EMCN: variants seen among roughly 807,000 people sequenced by gnomAD.
The protein encoded by EMCN is endomucin.
EMCN carries 37 observed loss-of-function variants against 38.4 expected under a neutral mutation model. The ratio of observed to expected loss-of-function variants is 0.96; its 90% confidence interval spans 0.74 to 1.27. EMCN has a LOEUF of 1.27. Ranked by LOEUF, EMCN falls within the 50% of genes most tolerant of loss-of-function variation. The pLI, the probability that EMCN is intolerant of heterozygous loss-of-function variation, is 0.00. For synonymous variants in EMCN, 95 were observed against 100.8 expected, an observed-to-expected ratio of 0.94 and a Z score of 0.35; for missense variants, 318 against 302.8, an observed-to-expected ratio of 1.05 and a Z score of -0.37.
intron 10 of EMCN, among the ~76,000 whole-genome samples, chr4:100,412,126 A>T (rs188852210): frequency 6.6e-6 from 1 of 152,124 alleles, no homozygotes; most frequent in Non-Finnish European, 1.5e-5. Context: ...AGAGCAAGAG[A>T]CTCTCTCTTC....
intron 1 of EMCN, among the ~76,000 whole-genome samples, chr4:100,483,794 A>G (rs1728874607): frequency 6.6e-6 from 1 of 152,178 alleles, no homozygotes; most frequent in African/African-American, 2.4e-5. Context: ...TTATCTGTAA[A>G]TTCCTTCTAG....
intron 11 of EMCN, among the ~76,000 whole-genome samples, chr4:100,403,171 A>G (rs939028170): frequency 2.6e-5 from 4 of 152,070 alleles, no homozygotes; most frequent in African/African-American, 4.8e-5. Flanking sequence ...AGACCATTTT[A>G]TCATCCATGT....
At chr4:100,459,168 G>GCTCT (rs70958363) in intron 4 of EMCN, among the ~76,000 whole-genome samples, 10 of 132,944 alleles carry the variant, frequency 7.5e-5, no homozygotes, top group East Asian at 2.2e-4. Context: ...GCCCTCAGAT[G>GCTCT]CTCTCTCTCT....
intron 9 of EMCN, 132 bp from the exon 10 acceptor site, chr4:100,416,091 C>A: frequency 4.2e-6 from 2 of 472,708 alleles, no homozygotes; most frequent in South Asian, 3.7e-5. Context: ...TATATATATA[C>A]GTGTGTGTGT....
At chr4:100,413,939 C>T (rs1578395551) in intron 10 of EMCN, among the ~76,000 whole-genome samples, 2 of 152,124 alleles carry the variant, frequency 1.3e-5, no homozygotes, top group Non-Finnish European at 2.9e-5. Flanking sequence ...CTATGGTCAC[C>T]ACTAGAGTGG....
chr4:100,505,611 T>C (rs1729461615), intron 1 of EMCN, among the ~76,000 whole-genome samples: 1 of 152,092 alleles, frequency 6.6e-6, no homozygotes, highest in Non-Finnish European at 1.5e-5. Context: ...GGCTGAAAAG[T>C]GCACTTTTGA....
In EMCN at chr4:100,395,492, G is replaced by A. The variant is rs1297998070; in HGVS notation, c.*2921C>T. 1 of 152,118 alleles carries A rather than the reference G, an allele frequency of 6.6e-6. No individual in the cohort carries two copies. The highest frequency in any genetic ancestry group is 1.5e-5 in the Non-Finnish European group (1 of 68,018). The allele number at this position is 152,118 out of a possible 1,614,324, so 9.4% of individuals were successfully genotyped here. Reference sequence around the variant, plus strand: ...CATTATAGGTTTAATTAATCACAATGATGGATATCTTTAACATTAGGCAAT... The same window carrying A: ...CATTATAGGTTTAATTAATCACAATAATGGATATCTTTAACATTAGGCAAT... On this transcript the variant is annotated 3_prime_UTR_variant, in exon 12 of 12. Transcript: ENST00000296420.
At chr4:100,421,455 A>G (rs1291794602) in intron 7 of EMCN, 78 bp from the exon 8 acceptor site, 1 of 1,028,860 alleles carries the variant, frequency 9.7e-7, no homozygotes, top group African/African-American at 1.6e-5. Flanking sequence ...GAGCCAAAGC[A>G]TGAGTACTTC....
At chr4:100,476,640 C>A (rs949238587) in intron 2 of EMCN, among the ~76,000 whole-genome samples, 2 of 152,104 alleles carry the variant, frequency 1.3e-5, no homozygotes, top group East Asian at 3.9e-4. Context: ...CTTAAACTAG[C>A]ATTCATTCAT....
chr4:100,501,270 C>T (rs1164901590), intron 1 of EMCN, among the ~76,000 whole-genome samples: 1 of 152,090 alleles, frequency 6.6e-6, no homozygotes, highest in Non-Finnish European at 1.5e-5. Context: ...CCACTGGCTA[C>T]CCAATGGTAC....
chr4:100,410,392 G>A (rs1726519932), intron 10 of EMCN, 37 bp from the exon 11 acceptor site: 2 of 1,594,434 alleles, frequency 1.3e-6, no homozygotes. Context: ...TGTAAGCTCA[G>A]AGACTGAGTA....
At chr4:100,433,617 C>A (rs983663174) in intron 5 of EMCN, among the ~76,000 whole-genome samples, 1 of 151,896 alleles carries the variant, frequency 6.6e-6, no homozygotes, top group Non-Finnish European at 1.5e-5. Context: ...CCCACTGCAA[C>A]CTCTACCTTC....
At chr4:100,449,942 A>C (rs1196919256) in intron 4 of EMCN, among the ~76,000 whole-genome samples, 1 of 152,018 alleles carries the variant, frequency 6.6e-6, no homozygotes, top group Non-Finnish European at 1.5e-5. Flanking sequence ...ATATTTTAAA[A>C]ATGATAAAGT....
intron 5 of EMCN, among the ~76,000 whole-genome samples, chr4:100,435,540 A>G (rs1426593373): frequency 6.6e-6 from 1 of 152,216 alleles, no homozygotes; most frequent in Non-Finnish European, 1.5e-5. Flanking sequence ...TAAAATTCAT[A>G]TGGAACCAAA....
At chr4:100,427,246 T>C (rs547754711) in intron 5 of EMCN, among the ~76,000 whole-genome samples, 2 of 152,178 alleles carry the variant, frequency 1.3e-5, no homozygotes, top group African/African-American at 4.8e-5. Flanking sequence ...GTTCCTCCTC[T>C]TATTTCTTTT....
At chr4:100,448,314 G>T (rs1458516617) in intron 4 of EMCN, among the ~76,000 whole-genome samples, 2 of 152,014 alleles carry the variant, frequency 1.3e-5, no homozygotes, top group Non-Finnish European at 2.9e-5. Flanking sequence ...GCCCAATAAT[G>T]ACATTTTTAA....
chr4:100,416,860 A>AT (rs1214928760), intron 9 of EMCN, among the ~76,000 whole-genome samples: 13 of 152,002 alleles, frequency 8.6e-5, no homozygotes, highest in Admixed American at 5.2e-4. Flanking sequence ...TTTCTATGAT[A>AT]TTTTCCCTCA....
intron 4 of EMCN, among the ~76,000 whole-genome samples, chr4:100,461,922 T>C (rs1728189721): frequency 6.6e-6 from 1 of 152,200 alleles, no homozygotes. Flanking sequence ...TCTATCTCTC[T>C]GTCCTGTATC....
At chr4:100,500,725 G>A (rs1578234925) in intron 1 of EMCN, among the ~76,000 whole-genome samples, 1 of 151,992 alleles carries the variant, frequency 6.6e-6, no homozygotes, top group Middle Eastern at 3.2e-3. Flanking sequence ...TATAGTCATT[G>A]TCACTGGTAT....
Sources: allele counts gnomAD v4.1 joint callset (sites outside exome capture counted in the v4.1 genomes callset), GRCh38; gene constraint gnomAD v4.1.1; transcripts MANE v1.5; gene names NCBI Gene and HGNC (gene_info 2026-07-23, HGNC 2026-07-21).